Variants in DNAH5 observed in about 807,000 individuals in gnomAD.
DNAH5 encodes the protein dynein axonemal heavy chain 5, also known as axonemal beta dynein heavy chain 5.
DNAH5 carries 372 observed loss-of-function variants against 518.2 expected under a neutral mutation model. The observed-to-expected ratio is 0.72, with a 90% confidence interval of 0.66 to 0.78. The LOEUF (loss-of-function observed/expected upper bound fraction) is 0.78. Among genes scored for constraint, DNAH5 ranks in the 30% least tolerant of loss-of-function variants. DNAH5 has a pLI of 0.00. For missense variants in DNAH5, 5,523 were observed against 5,687.0 expected, an observed-to-expected ratio of 0.97 and a Z score of 0.93; for synonymous variants, 2,039 against 2,025.9, an observed-to-expected ratio of 1.01 and a Z score of -0.17.
At chr5:14,008,133 T>C (rs900174062) in intron 1 of DNAH5, among the ~76,000 whole-genome samples, 4 of 149,010 alleles carry the variant, frequency 2.7e-5, no homozygotes, top group African/African-American at 9.9e-5. Flanking sequence ...GATCGCGCCA[T>C]TGCATTCCAG....
chr5:13,819,162 C>T (rs1215707989), intron 41 of DNAH5, among the ~76,000 whole-genome samples: 3 of 152,186 alleles, frequency 2.0e-5, no homozygotes, highest in South Asian at 4.2e-4. Context: ...GTCACTGCAA[C>T]AAAAATATTA....
intron 1 of DNAH5, among the ~76,000 whole-genome samples, chr5:14,009,059 C>T (rs966147648): frequency 1.3e-5 from 2 of 152,212 alleles, no homozygotes; most frequent in African/African-American, 4.8e-5. Flanking sequence ...AGGTAACTCA[C>T]TCTTGAGTTG....
In DNAH5 at chr5:13,809,288, C is replaced by G. The variant is rs955335954; in HGVS notation, c.7610-102G>C. On this transcript the variant is annotated intron_variant, in intron 45 of 78. Coordinates refer to ENST00000265104, the MANE Select transcript of DNAH5 (RefSeq NM_001369.3). ...ATCTTATGAGGTCACCTTCCAAATT[C>G]TCCCCATAAAATGAAGATCATTAAA... 2.4e-5 allele frequency: 33 copies of G among 1,374,780 alleles called. No homozygotes were observed. The South Asian group carries it at 3.9e-4, about 16-fold the overall frequency. The allele number at this position is 1,374,780 out of a possible 1,614,324, so 85.2% of individuals were successfully genotyped here. A position where few individuals can be genotyped will look rare whatever the true frequency, so the allele number is the denominator to read the frequency against.
intron 28 of DNAH5, among the ~76,000 whole-genome samples, 155 bp downstream of exon 28, chr5:13,864,242 C>A (rs1216000165): frequency 6.6e-6 from 1 of 152,132 alleles, no homozygotes; most frequent in Admixed American, 6.5e-5. Flanking sequence ...CATCTTAGGC[C>A]AAATAAGCAT....
chr5:13,991,709 G>A (rs1166701105), intron 1 of DNAH5, among the ~76,000 whole-genome samples: 1 of 152,032 alleles, frequency 6.6e-6, no homozygotes, highest in African/African-American at 2.4e-5. Flanking sequence ...GGTGTGAGGG[G>A]GAGCCCTTCA....
chr5:13,917,329 A>T, intron 7 of DNAH5, 73 bp from the exon 8 acceptor site: 2 of 1,050,688 alleles, frequency 1.9e-6, no homozygotes, highest in Non-Finnish European at 2.9e-6. Context: ...CACTGCTAAG[A>T]GTCACCACAA....
intron 1 of DNAH5, among the ~76,000 whole-genome samples, chr5:13,938,411 C>T (rs947106381): frequency 6.6e-6 from 1 of 151,972 alleles, no homozygotes; most frequent in Non-Finnish European, 1.5e-5. Context: ...AGAGAAAGAC[C>T]ACATTCACAC....
chr5:13,875,949 A>G (rs1770826364), intron 22 of DNAH5, among the ~76,000 whole-genome samples: 1 of 152,218 alleles, frequency 6.6e-6, no homozygotes, highest in East Asian at 1.9e-4. Context: ...AAACTGAGTA[A>G]TAGAAAAAAT....
At chr5:14,011,545 C>A (rs10069228) in intron 1 of DNAH5, among the ~76,000 whole-genome samples, 54,497 of 152,030 alleles carry the variant, frequency 0.36, 10,385 homozygotes, top group East Asian at 0.81. Context: ...TGGTCTCTGC[C>A]GCCAACCCCG....
intron 26 of DNAH5, 110 bp from the exon 27 acceptor site, chr5:13,866,016 C>A: frequency 1.1e-6 from 1 of 916,620 alleles, no homozygotes. Context: ...GATCTCTGGG[C>A]ACATGTAAAT....
rs1554018591 is a variant in DNAH5, at chr5:13,713,107, GTA to G, written c.13125+1296_13125+1297del. The stretch of plus-strand genomic sequence containing the variant: ...TATAAAGAAACTGTGGTGTGTGTGT[GTA>G]TATATATATATATATACACACACAC... On this transcript the variant is annotated intron_variant, in intron 75 of 78. Coordinates refer to ENST00000265104, the MANE Select transcript of DNAH5 (RefSeq NM_001369.3). 1.4e-3 allele frequency among the ~76,000 whole-genome samples: 193 copies of G among 139,808 alleles called. 3 individuals are homozygous for G. The highest frequency in any genetic ancestry group is 4.4e-3 in the East Asian group (21 of 4,784). The allele number at this position is 139,808 out of a possible 152,430, so 91.7% of individuals were successfully genotyped here. A position where few individuals can be genotyped will look rare whatever the true frequency, so the allele number is the denominator to read the frequency against.
chr5:13,714,695 A>G, intron 74 of DNAH5, 75 bp from the exon 75 acceptor site: 7 of 1,443,998 alleles, frequency 4.8e-6, no homozygotes, highest in Non-Finnish European at 6.7e-6. Flanking sequence ...TTTAGGAAAC[A>G]AAAATGCTTC....
rs183700331 is a variant in DNAH5, at chr5:13,861,800, T to C, written c.4796+748A>G. Among the ~76,000 whole-genome samples, 195 of 151,762 alleles carry C rather than the reference T, an allele frequency of 1.3e-3. 1 individual carries two copies. The highest frequency in any genetic ancestry group is 2.3e-3 in the Non-Finnish European group (155 of 67,906). ...GGTGAAACCCTGTCTCTACTAAAAATACAAAAATTAGCCAGGCGTGGTGGC... is the reference window on the plus strand; with the variant it reads ...GGTGAAACCCTGTCTCTACTAAAAACACAAAAATTAGCCAGGCGTGGTGGC... On this transcript the variant is annotated intron_variant, in intron 29 of 78. Transcript: ENST00000265104.
At chr5:13,935,828 G>A (rs564831601) in intron 1 of DNAH5, among the ~76,000 whole-genome samples, 32 of 152,248 alleles carry the variant, frequency 2.1e-4, no homozygotes, top group Admixed American at 2.1e-3. Flanking sequence ...GAAACACCTA[G>A]GACACTTGGA....
chr5:13,804,764 C>T (rs1451748933), intron 47 of DNAH5, among the ~76,000 whole-genome samples: 1 of 152,212 alleles, frequency 6.6e-6, no homozygotes, highest in African/African-American at 2.4e-5. Context: ...AGGAATACTT[C>T]ACTCTTCTTC....
intron 47 of DNAH5, among the ~76,000 whole-genome samples, chr5:13,798,743 T>A (rs1051833898): frequency 3.5e-5 from 1 of 28,492 alleles, no homozygotes; most frequent in Non-Finnish European, 7.0e-5. Context: ...TTATTTATTT[T>A]ATTTATTTAT....
intron 15 of DNAH5, chr5:13,897,751 G>A (rs1353042627): frequency 1.3e-5 from 2 of 152,186 alleles, no homozygotes; most frequent in Non-Finnish European, 1.5e-5. Context: ...TTAATGAGAT[G>A]ATAATTTACT....
At position 13,817,626 on chromosome 5, in the gene DNAH5, G is replaced by T. The variant is rs537125100; in HGVS notation, c.6910C>A (p.Arg2304=). ...KAITAPQMFG[R]LDVATNDWTD... is the part of the protein sequence containing the mutation. ...CAGTCATTTGTGGCAACGTCCAGCC[G>T]ACCAAACATCTGTGGGGCAGTAATC... Residue 2304 remains arginine, a synonymous_variant, in exon 42 of 79, where the codon CGG becomes AGG. Transcript: ENST00000265104. 1.2e-6 allele frequency: 2 copies of T among 1,614,108 alleles called. No homozygotes were observed. The highest frequency in any genetic ancestry group is 1.7e-6 in the Non-Finnish European group (2 of 1,179,976).
In DNAH5 at chr5:13,752,287, G is replaced by C. The variant is rs772138612; in HGVS notation, c.10875C>G (p.Ile3625Met). Residue 3625 changes from isoleucine (I) to methionine (M), a missense_variant and splice_region_variant, in exon 64 of 79, where the codon ATC becomes ATG. Ile to Met is a conservative substitution (Grantham distance 10, BLOSUM62 1). Around this residue, in one of 3 missense-constraint regions of DNAH5, gnomAD observed 5,121 missense variants for 5,223.3 expected, o/e 0.98. Coordinates refer to ENST00000265104, the MANE Select transcript of DNAH5 (RefSeq NM_001369.3). ...KNKESRNELQITSLNHKYFRN... is the reference protein window; with the variant it reads ...KNKESRNELQMTSLNHKYFRN... ...TGAAGTACTTGTGATTTAAAGACGT[G>C]ATCTAGGAACAGGATCACAAGGTTG... 2.5e-6 allele frequency: 4 copies of C among 1,613,888 alleles called. No homozygotes were observed. In the African/African-American group the frequency reaches 4.0e-5, roughly 16 times the overall value.
Sources: allele counts gnomAD v4.1 joint callset (sites outside exome capture counted in the v4.1 genomes callset), GRCh38; gene constraint gnomAD v4.1.1; regional missense constraint gnomAD v4.1.1; transcripts MANE v1.5; gene names NCBI Gene and HGNC (gene_info 2026-07-23, HGNC 2026-07-21).